RYR3: variants seen among roughly 807,000 people sequenced by gnomAD.
RYR3 encodes ryanodine receptor 3, also known as brain ryanodine receptor-calcium release channel.
A neutral mutation model predicts 584.3 loss-of-function variants in RYR3; 207 were observed. The observed-to-expected ratio is 0.35, with a 90% CI of 0.32 to 0.40. The LOEUF (loss-of-function observed/expected upper bound fraction) is 0.40, where lower values mean the gene tolerates loss of function less well. RYR3 is among the 10% of genes least tolerant of loss of function. The pLI, the probability that RYR3 is intolerant of heterozygous loss-of-function variation, is 1.00. For missense variants in RYR3, 5,616 were observed against 6,089.2 expected, an observed-to-expected ratio of 0.92 and a Z score of 2.59; for synonymous variants, 2,416 against 2,248.5, an observed-to-expected ratio of 1.07 and a Z score of -2.11.
intron 16 of RYR3, among the ~76,000 whole-genome samples, chr15:33,591,994 A>G (rs2059152798): frequency 2.0e-5 from 3 of 152,206 alleles, no homozygotes; most frequent in Admixed American, 6.5e-5. Context: ...ATTCCCATAT[A>G]AGCTTGTGTT....
At chr15:33,736,440 C>A in intron 49 of RYR3, 115 bp downstream of exon 49, 1 of 670,356 alleles carries the variant, frequency 1.5e-6, no homozygotes, top group South Asian at 2.0e-5. Context: ...GTTTTACTCC[C>A]TTAAGTTGAT....
chr15:33,660,490 CAGA>C (rs917626837), intron 34 of RYR3, 67 bp downstream of exon 34: 1 of 1,087,534 alleles, frequency 9.2e-7, no homozygotes. Flanking sequence ...CAAGCCAGCC[CAGA>C]AGGAAACCAG....
chr15:33,762,463 TAAAC>T (rs1330857005), intron 60 of RYR3, among the ~76,000 whole-genome samples: 1 of 152,044 alleles, frequency 6.6e-6, no homozygotes, highest in African/African-American at 2.4e-5. Flanking sequence ...ACACCAATAA[TAAAC>T]AAAACAGAGA....
At chr15:33,444,937 G>A (rs145450432) in intron 1 of RYR3, among the ~76,000 whole-genome samples, 19 of 152,080 alleles carry the variant, frequency 1.2e-4, no homozygotes, top group Non-Finnish European at 2.8e-4. Context: ...CGGCCCCTGT[G>A]CCCTGAAGGG....
intron 1 of RYR3, among the ~76,000 whole-genome samples, chr15:33,472,779 G>GA (rs2049033328): frequency 6.6e-6 from 1 of 152,130 alleles, no homozygotes; most frequent in Non-Finnish European, 1.5e-5. Flanking sequence ...TGAGAATTCA[G>GA]AGCAGTTCTT....
chr15:33,442,439 T>C (rs1215668620), intron 1 of RYR3, among the ~76,000 whole-genome samples: 1 of 152,246 alleles, frequency 6.6e-6, no homozygotes, highest in African/African-American at 2.4e-5. Context: ...ATTTAATGCC[T>C]CTTTGCTTCT....
intron 62 of RYR3, 31 bp from the exon 63 acceptor site, chr15:33,771,889 G>A: frequency 6.5e-7 from 1 of 1,528,886 alleles, no homozygotes; most frequent in Non-Finnish European, 9.0e-7. Flanking sequence ...TTCAGATTAT[G>A]CTTCTAGATT....
intron 62 of RYR3, among the ~76,000 whole-genome samples, chr15:33,769,918 C>G (rs2073427288): frequency 6.6e-6 from 1 of 151,970 alleles, no homozygotes; most frequent in Non-Finnish European, 1.5e-5. Context: ...CACTACACTC[C>G]AGCCTGGATG....
intron 11 of RYR3, among the ~76,000 whole-genome samples, chr15:33,565,578 T>A (rs1035604033): frequency 3.9e-5 from 6 of 152,130 alleles, no homozygotes. Flanking sequence ...CTATAGATAT[T>A]TTCTAGAGCC....
intron 18 of RYR3, among the ~76,000 whole-genome samples, chr15:33,611,708 G>A (rs2060197755): frequency 6.6e-6 from 1 of 152,060 alleles, no homozygotes; most frequent in Non-Finnish European, 1.5e-5. Flanking sequence ...GCCCAGGCTG[G>A]AGCGCAGTGG....
chr15:33,526,416 G>A (rs2054393668), intron 3 of RYR3, among the ~76,000 whole-genome samples: 1 of 152,090 alleles, frequency 6.6e-6, no homozygotes, highest in Non-Finnish European at 1.5e-5. Context: ...CTCGTGGCAG[G>A]GACAGGACTG....
Position 33,746,073 on chromosome 15 carries a change from G to T in RYR3, c.7905G>T (p.Gln2635His). ...AACTGAGAACATTTCTACAGAGTCA[G>T]AGTGGATGGAAATATGGGATTTCCC... ...SHDKWACDKSQSGWKYGISLD... is the reference protein window; with the variant it reads ...SHDKWACDKSHSGWKYGISLD... Residue 2635 changes from glutamine to histidine, a missense_variant, in exon 53 of 104, where the codon CAG becomes CAT. By Grantham distance (24) the Gln-to-His change is conservative. Around this residue, in one of 9 missense-constraint regions of RYR3, gnomAD observed 1,280 missense variants for 1,426.2 expected, o/e 0.90. Transcript: ENST00000634891. 1 of 1,590,666 alleles carries T rather than the reference G, an allele frequency of 6.3e-7. No homozygotes were observed. Among genetic ancestry groups the T allele is most frequent in the East Asian group, 2.3e-5 (1 of 44,116 alleles).
At chr15:33,333,210 A>G (rs1044781587) in intron 1 of RYR3, among the ~76,000 whole-genome samples, 3 of 152,120 alleles carry the variant, frequency 2.0e-5, no homozygotes, top group African/African-American at 7.2e-5. Context: ...AACTCATTCT[A>G]TGAGGCCAGC....
chr15:33,502,446 T>C (rs561138026), intron 2 of RYR3, among the ~76,000 whole-genome samples: 1 of 152,292 alleles, frequency 6.6e-6, no homozygotes, highest in African/African-American at 2.4e-5. Flanking sequence ...CTGGCCCTCA[T>C]TCCTCATTCC....
In RYR3 at chr15:33,682,219, C is replaced by T. The variant is rs4780154; in HGVS notation, c.5860+11663C>T. The stretch of plus-strand genomic sequence containing the variant: ...GAAAGTTACAAAACAACAAGTGGAG[C>T]GCAATAAACAACTTAACAATGAGTG... On this transcript the variant is annotated intron_variant, in intron 38 of 103. Transcript: ENST00000634891. 1.2e-4 allele frequency among the ~76,000 whole-genome samples: 18 copies of T among 152,062 alleles called. No homozygotes were observed. The South Asian group carries it at 2.9e-3, about 25-fold the overall frequency.
rs1305509998 is a variant in RYR3, at chr15:33,865,120, T to C, written c.14518-11T>C. 6.2e-7 allele frequency: 1 copy of C among 1,605,082 alleles called. No individual in the cohort carries two copies. The highest frequency in any genetic ancestry group is 8.5e-7 in the Non-Finnish European group (1 of 1,172,814). Reference sequence around the variant, plus strand: ...TTTAAAAATAAGCACCCGTTGTTCATATTATTTCAGGAATCTTATGTCTGG... The same window carrying C: ...TTTAAAAATAAGCACCCGTTGTTCACATTATTTCAGGAATCTTATGTCTGG... On this transcript the variant is annotated splice_polypyrimidine_tract_variant and intron_variant, in intron 103 of 103. Transcript: ENST00000634891.
Position 33,669,846 on chromosome 15 carries a change from G to GC in RYR3, c.5722+390_5722+391insC, listed in dbSNP as rs2063717024. On this transcript the variant is annotated intron_variant, in intron 37 of 103. Transcript: ENST00000634891. ...AGCTATTAGGGGTGTGTGTGTGTGGGGGGGGGGGGGGGTGTGGGTGTGTGG... is the reference window on the plus strand; with the variant it reads ...AGCTATTAGGGGTGTGTGTGTGTGGGCGGGGGGGGGGGGTGTGGGTGTGTGG... 1.4e-4 allele frequency among the ~76,000 whole-genome samples: 6 copies of GC among 41,774 alleles called. No homozygotes were observed. The Admixed American group carries it at 1.5e-3, about 11-fold the overall frequency. 27.4% of individuals were successfully genotyped at this position (41,774 alleles called of 152,430 possible). A position where few individuals can be genotyped will look rare whatever the true frequency, so the allele number is the denominator to read the frequency against.
Position 33,358,653 on chromosome 15 carries a change from G to A in RYR3, c.51+47557G>A, listed in dbSNP as rs528874199. Among the ~76,000 whole-genome samples the A allele has an allele frequency of 2.7e-4, 25 of 92,206 alleles. No homozygotes were observed. In the South Asian group the frequency reaches 8.3e-3, roughly 31 times the overall value. 60.5% of individuals were successfully genotyped at this position (92,206 alleles called of 152,430 possible). On this transcript the variant is annotated intron_variant, in intron 1 of 103. Coordinates refer to ENST00000634891, the MANE Select transcript of RYR3 (RefSeq NM_001036.6). ...TTGTTGAAATCTGGGAAGTGGTATC[G>A]TTAAAAAAAAAAAAAAAAAAGGACT...
chr15:33,540,103 G>C (rs1009752672), intron 6 of RYR3, among the ~76,000 whole-genome samples: 2 of 152,168 alleles, frequency 1.3e-5, no homozygotes, highest in Admixed American at 1.3e-4. Context: ...AGATGATGGT[G>C]CTGCATCCAG....
Sources: gnomAD v4.1 joint callset for allele counts (sites outside exome capture counted in the v4.1 genomes callset) on GRCh38, gnomAD v4.1.1 for gene constraint, gnomAD v4.1.1 regional missense constraint, MANE v1.5 for transcripts, NCBI Gene and HGNC (gene_info 2026-07-23, HGNC 2026-07-21) for gene names.